Variants in DLGAP1 observed in about 807,000 individuals in gnomAD.
DLGAP1 encodes the protein disks large-associated protein 1.
In DLGAP1, 11 loss-of-function variants were observed where a neutral mutation model predicts 90.8. The observed-to-expected ratio is 0.12, with a 90% CI of 0.08 to 0.20. The LOEUF (loss-of-function observed/expected upper bound fraction) is 0.20. DLGAP1 is among the 10% of genes least tolerant of loss of function. DLGAP1 has a pLI of 1.00. For missense variants in DLGAP1, 1,050 were observed against 1,333.8 expected, an observed-to-expected ratio of 0.79 and a Z score of 3.31; for synonymous variants, 558 against 540.7, an observed-to-expected ratio of 1.03 and a Z score of -0.44.
chr18:4,428,230 C>A (rs923052056), intron 1 of DLGAP1, among the ~76,000 whole-genome samples: 1 of 152,204 alleles, frequency 6.6e-6, no homozygotes, highest in East Asian at 1.9e-4. Flanking sequence ...GGTTTACCAC[C>A]ACGCGCCTTG....
At chr18:3,809,597 G>A (rs551191858) in intron 5 of DLGAP1, among the ~76,000 whole-genome samples, 1 of 152,156 alleles carries the variant, frequency 6.6e-6, no homozygotes, top group Non-Finnish European at 1.5e-5. Flanking sequence ...CTTCTCCCCA[G>A]TTTCAGAGGA....
intron 2 of DLGAP1, among the ~76,000 whole-genome samples, chr18:4,139,516 A>G (rs2076461678): frequency 6.6e-6 from 1 of 151,926 alleles, no homozygotes; most frequent in South Asian, 2.1e-4. Context: ...ATGTTTTAAG[A>G]CTTGCTTTGT....
intron 1 of DLGAP1, among the ~76,000 whole-genome samples, chr18:4,318,012 T>A (rs2080577765): frequency 6.6e-6 from 1 of 152,114 alleles, no homozygotes; most frequent in South Asian, 2.1e-4. Flanking sequence ...CACGCCCAGA[T>A]AATTTTTGTA....
chr18:4,364,290 A>G (rs1380510757), intron 1 of DLGAP1, among the ~76,000 whole-genome samples: 7 of 146,722 alleles, frequency 4.8e-5, no homozygotes, highest in African/African-American at 1.8e-4. Flanking sequence ...TAGCATTAGG[A>G]GATATACCTA....
intron 1 of DLGAP1, among the ~76,000 whole-genome samples, chr18:4,370,336 A>G (rs1239094737): frequency 3.9e-5 from 6 of 152,192 alleles, no homozygotes; most frequent in Non-Finnish European, 8.8e-5. Flanking sequence ...TCTGACGGAG[A>G]GGTTCACTAA....
chr18:3,702,295 C>T (rs143648643), intron 7 of DLGAP1, among the ~76,000 whole-genome samples: 1,642 of 152,332 alleles, frequency 0.011, 22 homozygotes, highest in African/African-American at 0.038. Flanking sequence ...TCCCAAAGTG[C>T]TGGGATTACA....
At chr18:3,910,283 A>T (rs1321828934) in intron 3 of DLGAP1, among the ~76,000 whole-genome samples, 2 of 151,894 alleles carry the variant, frequency 1.3e-5, no homozygotes, top group Non-Finnish European at 2.9e-5. Context: ...CTGTCTCCCT[A>T]CATCTCCATT....
chr18:4,070,982 T>A (rs183695415), intron 2 of DLGAP1, among the ~76,000 whole-genome samples: 53 of 152,312 alleles, frequency 3.5e-4, no homozygotes, highest in Admixed American at 1.6e-3. Context: ...TTTATTTTCA[T>A]CTCTACTCAA....
chr18:4,364,902 T>C (rs151313213), intron 1 of DLGAP1, among the ~76,000 whole-genome samples: 5,235 of 152,292 alleles, frequency 0.034, 147 homozygotes, highest in African/African-American at 0.076. Flanking sequence ...TCTGCCTTAA[T>C]TTCATTATTT....
intron 1 of DLGAP1, among the ~76,000 whole-genome samples, chr18:4,223,124 T>C (rs761746471): frequency 6.6e-6 from 1 of 152,118 alleles, no homozygotes; most frequent in African/African-American, 2.4e-5. Flanking sequence ...AATACTGTTA[T>C]TATTTTCTTT....
chr18:4,200,743 T>G (rs891317127), intron 1 of DLGAP1, among the ~76,000 whole-genome samples: 6 of 152,256 alleles, frequency 3.9e-5, no homozygotes, highest in South Asian at 2.1e-4. Flanking sequence ...TACTTCACAG[T>G]TGAATTATAA....
chr18:4,134,607 C>A (rs780340756), intron 2 of DLGAP1, among the ~76,000 whole-genome samples: 1 of 152,060 alleles, frequency 6.6e-6, no homozygotes, highest in East Asian at 1.9e-4. Context: ...ATGTGAGAAA[C>A]CCTCCTTGTG....
chr18:4,295,716 G>A (rs946546732), intron 1 of DLGAP1, among the ~76,000 whole-genome samples: 7 of 152,092 alleles, frequency 4.6e-5, no homozygotes, highest in Non-Finnish European at 7.3e-5. Context: ...TCTGTGAAGT[G>A]GACACAAAAA....
At chr18:4,267,183 A>AGT (rs146992333) in intron 1 of DLGAP1, among the ~76,000 whole-genome samples, 3,343 of 147,462 alleles carry the variant, frequency 0.023, 43 homozygotes, top group East Asian at 0.042. Flanking sequence ...CACTGTAATG[A>AGT]GTGTGTGTGT....
At chr18:3,935,400 G>A (rs1166408575) in intron 3 of DLGAP1, among the ~76,000 whole-genome samples, 1 of 152,208 alleles carries the variant, frequency 6.6e-6, no homozygotes, top group Admixed American at 6.5e-5. Context: ...AAAAATGAAA[G>A]GTTAGCAGTA....
intron 6 of DLGAP1, among the ~76,000 whole-genome samples, chr18:3,741,061 C>CCT (rs1568047976): frequency 1.1e-5 from 1 of 90,870 alleles, no homozygotes; most frequent in African/African-American, 6.1e-5. Flanking sequence ...ACCACCATCA[C>CCT]CACCACCACC....
At chr18:3,973,391 T>C (rs527904518) in intron 3 of DLGAP1, among the ~76,000 whole-genome samples, 1 of 152,212 alleles carries the variant, frequency 6.6e-6, no homozygotes, top group Admixed American at 6.5e-5. Flanking sequence ...ATTTCCGTCC[T>C]GGAAGCTGCA....
intron 1 of DLGAP1, among the ~76,000 whole-genome samples, chr18:4,221,252 C>T (rs774833668): frequency 3.9e-5 from 6 of 152,092 alleles, no homozygotes; most frequent in Admixed American, 6.6e-5. Context: ...AATTGAATCC[C>T]TTGCCTGTTA....
chr18:3,687,938 G>A (rs543967263), intron 7 of DLGAP1, among the ~76,000 whole-genome samples: 8 of 138,302 alleles, frequency 5.8e-5, no homozygotes, highest in Non-Finnish European at 1.1e-4. Context: ...ACAGGGTCTC[G>A]CTCTGTCACC....
Sources: gnomAD v4.1 joint callset for allele counts (sites outside exome capture counted in the v4.1 genomes callset) on GRCh38, gnomAD v4.1.1 for gene constraint, MANE v1.5 for transcripts, NCBI Gene and HGNC (gene_info 2026-07-23, HGNC 2026-07-21) for gene names.